The following DNM2 variants were observed in gnomAD, a reference collection of about 807,000 sequenced individuals.
The protein encoded by DNM2 is dynamin-2.
In DNM2, 15 loss-of-function variants were observed where a neutral mutation model predicts 99.0. That is an observed-to-expected ratio of 0.15 (90% CI 0.10 to 0.23). The LOEUF is 0.23. DNM2 is among the 10% of genes least tolerant of loss of function. The pLI, the probability that DNM2 is intolerant of heterozygous loss-of-function variation, is 1.00. For missense variants in DNM2, 742 were observed against 1,189.4 expected (o/e 0.62, Z 5.53); for synonymous variants, 525 against 481.2 (o/e 1.09, Z -1.19).
chr19:10,741,623 C>T (rs1340634130), intron 1 of DNM2, among the ~76,000 whole-genome samples: 1 of 151,242 alleles, frequency 6.6e-6, no homozygotes, highest in Non-Finnish European at 1.5e-5. Context: ...GATCTTGGCT[C>T]ACTGCAAGCT....
chr19:10,724,988 A>T (rs149696951), intron 1 of DNM2, among the ~76,000 whole-genome samples: 45 of 152,334 alleles, frequency 3.0e-4, no homozygotes, highest in Middle Eastern at 6.8e-3. Flanking sequence ...ACCAGTGCAC[A>T]TCGGATGCCC....
At chr19:10,752,648 T>A (rs2070236175) in intron 1 of DNM2, among the ~76,000 whole-genome samples, 1 of 152,234 alleles carries the variant, frequency 6.6e-6, no homozygotes, top group Non-Finnish European at 1.5e-5. Context: ...TCAGTCCATG[T>A]TCATGCCACC....
intron 1 of DNM2, among the ~76,000 whole-genome samples, chr19:10,756,254 A>G (rs1364827335): frequency 1.3e-5 from 2 of 152,072 alleles, no homozygotes; most frequent in Non-Finnish European, 2.9e-5. Flanking sequence ...TTGTTCCCTC[A>G]GTCCCCCTGC....
intron 8 of DNM2, among the ~76,000 whole-genome samples, chr19:10,794,344 C>CGTGTGTGTGT (rs58263525): frequency 0.1 from 14,298 of 141,580 alleles, 732 homozygotes; most frequent in East Asian, 0.17. Flanking sequence ...CTTCTTTTTC[C>CGTGTGTGTGT]GTGTGTGTGT....
Position 10,788,216 on chromosome 19 carries a change from G to C in DNM2, c.992+1510G>C, listed in dbSNP as rs532101029. ...TCACTGCATATCAGCCTGGGCAACAGAGTAAGACTCCGTCTCAAAAAAAAA... is the reference window on the plus strand; with the variant it reads ...TCACTGCATATCAGCCTGGGCAACACAGTAAGACTCCGTCTCAAAAAAAAA... On this transcript the variant is annotated intron_variant, in intron 7 of 20. Coordinates refer to ENST00000389253, the MANE Select transcript of DNM2 (RefSeq NM_001005361.3). Among the ~76,000 whole-genome samples the C allele has an allele frequency of 2.8e-4, 41 of 147,896 alleles. 1 individual carries two copies. In the South Asian group the frequency reaches 8.1e-3, roughly 29 times the overall value.
At chr19:10,822,776 G>A (rs1809245086) in intron 16 of DNM2, among the ~76,000 whole-genome samples, 1 of 151,392 alleles carries the variant, frequency 6.6e-6, no homozygotes, top group Non-Finnish European at 1.5e-5. Context: ...TGGGATTACA[G>A]GCGTGAGCCA....
chr19:10,748,921 C>T (rs901181943), intron 1 of DNM2, among the ~76,000 whole-genome samples: 10 of 152,216 alleles, frequency 6.6e-5, no homozygotes, highest in Non-Finnish European at 1.3e-4. Flanking sequence ...GAAATTGGCC[C>T]TGGAGTGTGG....
At chr19:10,822,658 C>T (rs1177735505) in intron 16 of DNM2, among the ~76,000 whole-genome samples, 1 of 152,038 alleles carries the variant, frequency 6.6e-6, no homozygotes, top group Non-Finnish European at 1.5e-5. Flanking sequence ...AGTACCACTC[C>T]CAGCTAATTT....
intron 12 of DNM2, among the ~76,000 whole-genome samples, 163 bp from the exon 13 acceptor site, chr19:10,805,753 G>C (rs1389208440): frequency 6.6e-6 from 1 of 152,154 alleles, no homozygotes; most frequent in East Asian, 1.9e-4. Context: ...CGTGTGCCCA[G>C]GCCGTTTCCC....
intron 6 of DNM2, among the ~76,000 whole-genome samples, chr19:10,783,704 TA>T (rs1462396600): frequency 2.4e-4 from 35 of 143,442 alleles, no homozygotes; most frequent in African/African-American, 6.3e-4. Flanking sequence ...TTATTATTAT[TA>T]TTTTTTATTT....
At chr19:10,768,371 A>G (rs921022241) in intron 2 of DNM2, among the ~76,000 whole-genome samples, 7 of 151,574 alleles carry the variant, frequency 4.6e-5, no homozygotes, top group African/African-American at 1.5e-4. Context: ...GGAGAATGGC[A>G]TGAACCCAGG....
At chr19:10,787,163 G>A (rs973371750) in intron 7 of DNM2, among the ~76,000 whole-genome samples, 2 of 151,782 alleles carry the variant, frequency 1.3e-5, no homozygotes, top group South Asian at 2.1e-4. Flanking sequence ...GTGAAACCCC[G>A]TCTCTACTGA....
At chr19:10,770,608 T>C (rs1238824347) in intron 2 of DNM2, among the ~76,000 whole-genome samples, 2 of 152,170 alleles carry the variant, frequency 1.3e-5, no homozygotes, top group African/African-American at 4.8e-5. Context: ...AGAGGTTTAA[T>C]GGAGTTACAG....
intron 1 of DNM2, among the ~76,000 whole-genome samples, chr19:10,752,246 G>A (rs1421002660): frequency 6.6e-6 from 1 of 152,226 alleles, no homozygotes; most frequent in African/African-American, 2.4e-5. Context: ...GTATGTGTGT[G>A]TGGGGTACTA....
chr19:10,728,938 C>T (rs995437421), intron 1 of DNM2, among the ~76,000 whole-genome samples: 15 of 144,280 alleles, frequency 1.0e-4, no homozygotes, highest in Non-Finnish European at 2.0e-4. Flanking sequence ...CAGCAAGACC[C>T]GGTCTCAAAA....
rs1300265149 is a variant in DNM2 at position 10,817,791 on chromosome 19, GCA to G, written c.1672-2181_1672-2180del. Among the ~76,000 whole-genome samples the G allele has an allele frequency of 3.3e-4, 48 of 143,652 alleles. 1 individual carries two copies. Among genetic ancestry groups the G allele is most frequent in the South Asian group, 2.3e-3 (10 of 4,350 alleles). The allele number at this position is 143,652 out of a possible 152,430, so 94.2% of individuals were successfully genotyped here. A position where few individuals can be genotyped will look rare whatever the true frequency, so the allele number is the denominator to read the frequency against. Reference sequence around the variant, plus strand: ...GGGGTCGGGGGTGGGGAGGAGGGGCGCACACACACGTGTGTGTGTGTGTGTGC... The same window carrying G: ...GGGGTCGGGGGTGGGGAGGAGGGGCGCACACACGTGTGTGTGTGTGTGTGC... On this transcript the variant is annotated intron_variant, in intron 15 of 20. Transcript: ENST00000389253. This position sits in a 1 kb window ranked among gnomAD's most constrained non-coding sequence, Gnocchi z 4.6.
rs748120401 is a variant in DNM2 at position 10,775,842 on chromosome 19, G to A, written c.525G>A (p.Thr175=). Residue 175 remains threonine (T), a synonymous_variant, in exon 4 of 21, where the codon ACG becomes ACA. Transcript: ENST00000389253. This position sits in a 1 kb window ranked among gnomAD's most constrained non-coding sequence, Gnocchi z 4.3. ...SRESSLILAV[T]PANMDLANSD... is the part of the protein sequence containing the mutation. Reference sequence around the variant, plus strand: ...AGAGCAGCCTCATTCTGGCTGTCACGCCCGCCAACATGGACCTGGCCAACT... The same window carrying A: ...AGAGCAGCCTCATTCTGGCTGTCACACCCGCCAACATGGACCTGGCCAACT... The A allele has an allele frequency of 7.4e-6, 12 of 1,613,774 alleles. No individual in the cohort carries two copies. Among genetic ancestry groups the A allele is most frequent in the African/African-American group, 5.3e-5 (4 of 74,904 alleles).
chr19:10,771,533 C>T (rs969021004), intron 2 of DNM2, among the ~76,000 whole-genome samples: 1 of 101,920 alleles, frequency 9.8e-6, no homozygotes, highest in African/African-American at 3.9e-5. Flanking sequence ...TGCCCCTTCC[C>T]TCTACCTTGT....
chr19:10,755,183 A>G (rs138565416), intron 1 of DNM2: 7 of 152,354 alleles, frequency 4.6e-5, no homozygotes, highest in African/African-American at 1.2e-4. Flanking sequence ...TGTCCATCCA[A>G]TGGTGACTAG....
Sources: gnomAD v4.1 joint callset for allele counts (sites outside exome capture counted in the v4.1 genomes callset) on GRCh38, gnomAD v4.1.1 for gene constraint, Gnocchi (gnomAD v3.1) non-coding constraint, MANE v1.5 for transcripts, NCBI Gene and HGNC (gene_info 2026-07-23, HGNC 2026-07-21) for gene names.